XPNPEP1: variants seen among roughly 807,000 people sequenced by gnomAD.
XPNPEP1 encodes xaa-Pro aminopeptidase 1.
A neutral mutation model predicts 92.4 loss-of-function variants in XPNPEP1; 39 were observed. That is an observed-to-expected ratio of 0.42 (90% CI 0.33 to 0.55). XPNPEP1 has a LOEUF of 0.55. XPNPEP1 is among the 20% of genes least tolerant of loss of function. The pLI is 0.08. For synonymous variants in XPNPEP1, 307 were observed against 299.4 expected (o/e 1.03, Z -0.26); for missense variants, 654 against 856.1 (o/e 0.76, Z 2.95).
rs1589588115 is a variant in XPNPEP1, at chr10:109,890,550, T to TG, written c.415+1171_415+1172insC. 7.8e-5 allele frequency among the ~76,000 whole-genome samples: 8 copies of TG among 103,190 alleles called. No individual in the cohort carries two copies. In the East Asian group the frequency reaches 2.1e-3, roughly 27 times the overall value. The allele number at this position is 103,190 out of a possible 152,430, so 67.7% of individuals were successfully genotyped here. On this transcript the variant is annotated intron_variant, in intron 5 of 20. Transcript: ENST00000502935. ...AACAGCCAGCTTCAAATGCCTGCCT[T>TG]TGTGTGTGTGTGTGTGTGTGTGTGT...
chr10:109,906,396 C>A (rs1849561643), intron 3 of XPNPEP1, among the ~76,000 whole-genome samples: 1 of 152,134 alleles, frequency 6.6e-6, no homozygotes, highest in Non-Finnish European at 1.5e-5. Context: ...AACCAGTTGG[C>A]TGAAAAAGAG....
intron 1 of XPNPEP1, among the ~76,000 whole-genome samples, chr10:109,921,376 A>T (rs1436448059): frequency 6.6e-6 from 1 of 152,194 alleles, no homozygotes; most frequent in Non-Finnish European, 1.5e-5. Context: ...CAACTTCATG[A>T]TGAGCCACAA....
chr10:109,888,155 G>A lies in XPNPEP1; in HGVS notation c.546C>T (p.Ala182=), dbSNP rs552443066. 50 of 1,613,594 alleles carry A rather than the reference G, an allele frequency of 3.1e-5. 2 individuals carry two copies. Among genetic ancestry groups the A allele is most frequent in the South Asian group, 2.4e-4 (22 of 91,038 alleles). ...WKKMAKVLRS[A]GHHLIPVKEN... is the part of the protein sequence containing the mutation. ...CCTTGACAGGAATGAGGTGATGGCCGGCACTTCTCAGAACTTTGGCCATTT... is the reference window on the plus strand; with the variant it reads ...CCTTGACAGGAATGAGGTGATGGCCAGCACTTCTCAGAACTTTGGCCATTT... Residue 182 remains alanine, a synonymous_variant, in exon 7 of 21, where the codon GCC becomes GCT. Coordinates refer to ENST00000502935, the MANE Select transcript of XPNPEP1 (RefSeq NM_020383.4).
chr10:109,870,688 G>C (rs555938702), intron 18 of XPNPEP1, 43 bp downstream of exon 18: 1 of 1,556,352 alleles, frequency 6.4e-7, no homozygotes, highest in South Asian at 1.2e-5. Flanking sequence ...CTTTCAAAAA[G>C]GCTCAAGGAT....
intron 3 of XPNPEP1, among the ~76,000 whole-genome samples, chr10:109,901,844 G>A (rs138578276): frequency 6.6e-6 from 1 of 152,118 alleles, no homozygotes; most frequent in East Asian, 1.9e-4. Context: ...CATTCAAATT[G>A]CGAAGTTTTG....
chr10:109,891,456 A>T (rs1848699320), intron 5 of XPNPEP1: 1 of 315,318 alleles, frequency 3.2e-6, no homozygotes, highest in Non-Finnish European at 5.8e-6. Flanking sequence ...AATGCACAGC[A>T]ATGTGATCTG....
chr10:109,869,765 A>G (rs1847345134), intron 19 of XPNPEP1, 188 bp downstream of exon 19: 1 of 535,838 alleles, frequency 1.9e-6, no homozygotes, highest in African/African-American at 1.9e-5. Flanking sequence ...TATCTGGAGA[A>G]GAAGGCTCCA....
intron 7 of XPNPEP1, 69 bp from the exon 8 acceptor site, chr10:109,886,410 C>T (rs1589577447): frequency 2.1e-6 from 3 of 1,427,826 alleles, no homozygotes; most frequent in Non-Finnish European, 2.9e-6. Flanking sequence ...AGTGAAAGAA[C>T]CTACCCTAAA....
rs373635459 is a variant in XPNPEP1 at position 109,868,723 on chromosome 10, A to G, written c.1774-11T>C. On this transcript the variant is annotated splice_polypyrimidine_tract_variant and intron_variant, in intron 19 of 20. Coordinates refer to ENST00000502935, the MANE Select transcript of XPNPEP1 (RefSeq NM_020383.4). The stretch of plus-strand genomic sequence containing the variant: ...GTTATTAAAATTATACTGCGGGAGA[A>G]AGAAGAAAACAGATGCTTTTACTCC... 4.6e-5 allele frequency: 74 copies of G among 1,609,992 alleles called. No homozygotes were observed. Among genetic ancestry groups the G allele is most frequent in the Non-Finnish European group, 6.2e-5 (73 of 1,176,418 alleles).
At chr10:109,891,232 C>G (rs1306995539) in intron 5 of XPNPEP1, 2 of 152,696 alleles carry the variant, frequency 1.3e-5, no homozygotes, top group Admixed American at 6.5e-5. Flanking sequence ...CTAAAGCACT[C>G]AAGTGAAGCG....
chr10:109,892,890 C>A, intron 4 of XPNPEP1, 122 bp downstream of exon 4: 3 of 952,224 alleles, frequency 3.2e-6, no homozygotes, highest in Non-Finnish European at 4.8e-6. Flanking sequence ...TGCAGAGAGT[C>A]AATGTGGAGC....
chr10:109,871,929 G>T, intron 16 of XPNPEP1, 68 bp from the exon 17 acceptor site: 2 of 1,464,704 alleles, frequency 1.4e-6, no homozygotes, highest in Non-Finnish European at 1.9e-6. Flanking sequence ...TTTTCTGGTA[G>T]TTCAGAAAAT....
At chr10:109,905,375 A>G (rs962396294) in intron 3 of XPNPEP1, among the ~76,000 whole-genome samples, 4 of 152,036 alleles carry the variant, frequency 2.6e-5, no homozygotes. Flanking sequence ...AAGCCTGGCT[A>G]ATTTTTATAT....
At position 109,877,850 on chromosome 10, in the gene XPNPEP1, A is replaced by G; in HGVS notation, c.1259T>C (p.Val420Ala). ...GGAAATTGTTGGGAAGCTCAGGTCC[A>G]CAAAGTCTGCCTGTTGCCTGTAACA... ...EEFRRQQADF[V>A]DLSFPTISST... Residue 420 changes from valine (V) to alanine (A), a missense_variant, in exon 14 of 21, where the codon GTG becomes GCG. Transcript: ENST00000502935. 1 of 1,614,254 alleles carries G rather than the reference A, an allele frequency of 6.2e-7. No individual in the cohort carries two copies. The highest frequency in any genetic ancestry group is 8.5e-7 in the Non-Finnish European group (1 of 1,180,048).
rs369826207 is a variant in XPNPEP1, at chr10:109,880,883, C to T, written c.1090G>A (p.Val364Met). 1.9e-6 allele frequency: 3 copies of T among 1,613,962 alleles called. No individual in the cohort carries two copies. In the African/African-American group the frequency reaches 4.0e-5, roughly 22 times the overall value. Residue 364 changes from valine (V) to methionine (M), a missense_variant, in exon 11 of 21, where the codon GTG (valine) becomes ATG (methionine). Physicochemically the swap from Val to Met is conservative, Grantham distance 21. Coordinates refer to ENST00000502935, the MANE Select transcript of XPNPEP1 (RefSeq NM_020383.4). ...CCTTCTGACTCAGCTGAATTCTTCA[C>T]AGCTTTGGCGATGCAGATGGGGGTG... is the stretch of plus-strand genomic sequence containing the variant. Reference protein sequence around the residue: ...PYTPICIAKAVKNSAESEGMR... With the variant: ...PYTPICIAKAMKNSAESEGMR...
intron 1 of XPNPEP1, among the ~76,000 whole-genome samples, chr10:109,919,637 T>G (rs1242325990): frequency 1.3e-5 from 2 of 152,220 alleles, no homozygotes; most frequent in Non-Finnish European, 2.9e-5. Flanking sequence ...TATTCACAGC[T>G]GCATTATTTG....
chr10:109,915,974 G>A (rs554983721), intron 1 of XPNPEP1, among the ~76,000 whole-genome samples: 1 of 152,296 alleles, frequency 6.6e-6, no homozygotes, highest in South Asian at 2.1e-4. Context: ...GGACACAACA[G>A]TGAACAAAAC....
chr10:109,880,340 G>T, intron 11 of XPNPEP1, 102 bp from the exon 12 acceptor site: 1 of 1,192,798 alleles, frequency 8.4e-7, no homozygotes, highest in Non-Finnish European at 1.2e-6. Context: ...GTACCTGCAG[G>T]GCCACACATC....
rs1467216917 is a variant in XPNPEP1 at position 109,868,601 on chromosome 10, A to G, written c.1872+13T>C. 6.2e-7 allele frequency: 1 copy of G among 1,607,822 alleles called. No homozygotes were observed. Among genetic ancestry groups the G allele is most frequent in the Non-Finnish European group, 8.5e-7 (1 of 1,174,546 alleles). ...CCTAGTAACATGCCTGCCCACCAAG[A>G]CTTCCCCATTACCTCTTTGTCTGTA... On this transcript the variant is annotated intron_variant, in intron 20 of 20. Transcript: ENST00000502935.
Sources: gnomAD v4.1 joint callset for allele counts (sites outside exome capture counted in the v4.1 genomes callset) on GRCh38, gnomAD v4.1.1 for gene constraint, MANE v1.5 for transcripts, NCBI Gene and HGNC (gene_info 2026-07-23, HGNC 2026-07-21) for gene names.